SLC5A1: variants seen among roughly 807,000 people sequenced by gnomAD.
SLC5A1 encodes the protein sodium/glucose cotransporter 1.
Under a neutral mutation model 73.5 loss-of-function variants are expected in SLC5A1, and 42 were observed. The observed-to-expected ratio is 0.57, with a 90% CI of 0.45 to 0.74. SLC5A1 has a LOEUF of 0.74. Ranked by LOEUF, SLC5A1 falls within the 30% of genes least tolerant of loss-of-function variation. The pLI is 0.00. For missense variants in SLC5A1, 634 were observed against 855.4 expected, an observed-to-expected ratio of 0.74 and a Z score of 3.23; for synonymous variants, 300 against 317.4, an observed-to-expected ratio of 0.95 and a Z score of 0.58.
chr22:32,076,964 G>A (rs1435220741), intron 5 of SLC5A1, among the ~76,000 whole-genome samples: 1 of 152,204 alleles, frequency 6.6e-6, no homozygotes, highest in Non-Finnish European at 1.5e-5. Context: ...TGTAAGTAAA[G>A]TTTTACTGGA....
chr22:32,068,060 G>A, intron 4 of SLC5A1, 34 bp downstream of exon 4: 1 of 1,598,286 alleles, frequency 6.3e-7, no homozygotes, highest in Non-Finnish European at 8.6e-7. Context: ...ATTTCCTGCT[G>A]GCAAATGTAT....
At chr22:32,088,966 A>G (rs2094012548) in intron 10 of SLC5A1, among the ~76,000 whole-genome samples, 1 of 152,188 alleles carries the variant, frequency 6.6e-6, no homozygotes, top group African/African-American at 2.4e-5. Flanking sequence ...CCCTAGTCTG[A>G]TAGACCATTA....
At chr22:32,095,482 T>G (rs1185512414) in intron 11 of SLC5A1, among the ~76,000 whole-genome samples, 1 of 152,230 alleles carries the variant, frequency 6.6e-6, no homozygotes, top group Non-Finnish European at 1.5e-5. Flanking sequence ...TCTATCTTAT[T>G]TCTTAGGCCT....
intron 2 of SLC5A1, among the ~76,000 whole-genome samples, chr22:32,062,195 A>G (rs746269136): frequency 9.2e-5 from 14 of 152,190 alleles, no homozygotes; most frequent in Non-Finnish European, 1.8e-4. Context: ...CACTAGAGGT[A>G]TGCATTAAGA....
At chr22:32,088,397 C>T (rs1170435678) in intron 10 of SLC5A1, among the ~76,000 whole-genome samples, 2 of 146,050 alleles carry the variant, frequency 1.4e-5, no homozygotes, top group African/African-American at 5.1e-5. Flanking sequence ...AGTGCAATGG[C>T]GTGATCTCAG....
At chr22:32,062,237 G>C (rs1048784908) in intron 2 of SLC5A1, among the ~76,000 whole-genome samples, 1 of 152,080 alleles carries the variant, frequency 6.6e-6, no homozygotes, top group Non-Finnish European at 1.5e-5. Context: ...GTTGCAAAGG[G>C]GACTTAAGCT....
intron 5 of SLC5A1, among the ~76,000 whole-genome samples, chr22:32,074,317 T>G (rs926272177): frequency 6.6e-6 from 1 of 152,224 alleles, no homozygotes; most frequent in Non-Finnish European, 1.5e-5. Context: ...TGATTAAACC[T>G]TCTTGGACTT....
At chr22:32,044,890 T>G (rs967083995) in intron 1 of SLC5A1, among the ~76,000 whole-genome samples, 1 of 152,216 alleles carries the variant, frequency 6.6e-6, no homozygotes, top group African/African-American at 2.4e-5. Context: ...ATCTGGGCTC[T>G]GAACAATGTT....
At position 32,104,773 on chromosome 22, in the gene SLC5A1, G is replaced by A. The variant is rs767426119; in HGVS notation, c.1666-13G>A. On this transcript the variant is annotated splice_polypyrimidine_tract_variant and intron_variant, in intron 13 of 14. Transcript: ENST00000266088. ...TTGGATCTTTCTGTTGACCTGTTCT[G>A]CCTTCTCTGCAGCTCTACCGTCTGT... The A allele has an allele frequency of 7.5e-6, 12 of 1,609,906 alleles. 1 individual carries two copies. The South Asian group carries it at 1.3e-4, about 18-fold the overall frequency.
intron 5 of SLC5A1, among the ~76,000 whole-genome samples, chr22:32,070,668 G>A (rs2093981575): frequency 6.6e-6 from 1 of 151,946 alleles, no homozygotes; most frequent in Non-Finnish European, 1.5e-5. Context: ...TTTCTTCCTT[G>A]TAAGTGTTCA....
chr22:32,109,493 G>C (rs1357285208), intron 14 of SLC5A1, among the ~76,000 whole-genome samples: 1 of 152,188 alleles, frequency 6.6e-6, no homozygotes, highest in Non-Finnish European at 1.5e-5. Flanking sequence ...GTTCAGACCA[G>C]TTCTTACCAC....
At chr22:32,082,981 C>T (rs2094002326) in intron 6 of SLC5A1, 93 bp from the exon 7 acceptor site, 1 of 981,294 alleles carries the variant, frequency 1.0e-6, no homozygotes, top group African/African-American at 4.0e-5. Flanking sequence ...CTCAGAAGGC[C>T]AGCAGAAGTA....
intron 13 of SLC5A1, among the ~76,000 whole-genome samples, chr22:32,103,068 T>C (rs1246947487): frequency 1.3e-5 from 2 of 152,246 alleles, no homozygotes; most frequent in Non-Finnish European, 2.9e-5. Context: ...ACTGGTTTAC[T>C]TTCTTTTGAA....
intron 5 of SLC5A1, among the ~76,000 whole-genome samples, chr22:32,075,476 G>A (rs1340653463): frequency 3.9e-5 from 6 of 152,156 alleles, no homozygotes; most frequent in East Asian, 3.9e-4. Context: ...ACAGGGGAAG[G>A]GACTATGAGG....
rs1469528877 is a variant in SLC5A1 at position 32,111,380 on chromosome 22, A to G, written c.*1167A>G. 6.6e-6 allele frequency: 1 copy of G among 152,120 alleles called. No homozygotes were observed. The highest frequency in any genetic ancestry group is 1.5e-5 in the Non-Finnish European group (1 of 68,022). 9.4% of individuals were successfully genotyped at this position (152,120 alleles called of 1,614,324 possible). A position where few individuals can be genotyped will look rare whatever the true frequency, so the allele number is the denominator to read the frequency against. On this transcript the variant is annotated 3_prime_UTR_variant, in exon 15 of 15. Coordinates refer to ENST00000266088, the MANE Select transcript of SLC5A1 (RefSeq NM_000343.4). ...AGGACATCAGTCATATTGGAATAGG[A>G]CCCACCCTAATGTCTTCATTTTAAT...
At chr22:32,096,431 G>A (rs2094026425) in intron 11 of SLC5A1, among the ~76,000 whole-genome samples, 1 of 152,064 alleles carries the variant, frequency 6.6e-6, no homozygotes, top group African/African-American at 2.4e-5. Flanking sequence ...GTCCTCCTCA[G>A]CCCCTCACAC....
At chr22:32,080,350 C>T (rs573052713) in intron 5 of SLC5A1, among the ~76,000 whole-genome samples, 4 of 152,264 alleles carry the variant, frequency 2.6e-5, no homozygotes, top group African/African-American at 4.8e-5. Flanking sequence ...CCAGGGCTCA[C>T]GTGTTAGCTC....
At chr22:32,050,977 G>A (rs768958606) in intron 2 of SLC5A1, among the ~76,000 whole-genome samples, 4 of 152,190 alleles carry the variant, frequency 2.6e-5, no homozygotes, top group Admixed American at 6.5e-5. Flanking sequence ...CTGTCTGTGC[G>A]GAGATGTGAT....
At chr22:32,093,747 T>A (rs2094022028) in intron 11 of SLC5A1, among the ~76,000 whole-genome samples, 1 of 152,020 alleles carries the variant, frequency 6.6e-6, no homozygotes. Flanking sequence ...TTTGGAGGAG[T>A]CTTTAGGGTT....
Sources: gnomAD v4.1 joint callset for allele counts (sites outside exome capture counted in the v4.1 genomes callset) on GRCh38, gnomAD v4.1.1 for gene constraint, MANE v1.5 for transcripts, NCBI Gene and HGNC (gene_info 2026-07-23, HGNC 2026-07-21) for gene names.